The following CSMD1 variants were observed in gnomAD, a reference collection of about 807,000 sequenced individuals.
CSMD1 encodes the protein CUB and Sushi multiple domains 1.
In CSMD1, 213 loss-of-function variants were observed where a neutral mutation model predicts 417.5. The observed-to-expected ratio is 0.51, with a 90% CI of 0.46 to 0.57. The LOEUF (loss-of-function observed/expected upper bound fraction) is 0.57. CSMD1 is among the 20% of genes least tolerant of loss of function. The probability of loss-of-function intolerance (pLI) is 0.00; values close to 1 mark genes in which losing one functional copy is unlikely to be tolerated. For missense variants in CSMD1, 6,923 were observed against 4,529.7 expected (o/e 1.53, Z -15.17); for synonymous variants, 2,862 against 1,736.8 (o/e 1.65, Z -16.11).
At chr8:3,175,122 A>G (rs1585556830) in intron 37 of CSMD1, among the ~76,000 whole-genome samples, 1 of 152,324 alleles carries the variant, frequency 6.6e-6, no homozygotes, top group Admixed American at 6.5e-5. Flanking sequence ...CAGGTAAAAC[A>G]GTAAAATATT....
chr8:3,322,705 T>A (rs1219220679), intron 23 of CSMD1, among the ~76,000 whole-genome samples: 3 of 152,022 alleles, frequency 2.0e-5, no homozygotes, highest in Non-Finnish European at 4.4e-5. Flanking sequence ...GGCAGTGGAG[T>A]CCACAGCCAG....
chr8:3,125,648 G>A (rs1817465660), intron 41 of CSMD1, among the ~76,000 whole-genome samples: 1 of 152,166 alleles, frequency 6.6e-6, no homozygotes, highest in South Asian at 2.1e-4. Flanking sequence ...CTCTCTATTA[G>A]TTCTATAAGA....
At chr8:4,702,045 G>T (rs377555190) in intron 1 of CSMD1, among the ~76,000 whole-genome samples, 2 of 152,184 alleles carry the variant, frequency 1.3e-5, no homozygotes, top group Non-Finnish European at 2.9e-5. Flanking sequence ...ACTTATAAGT[G>T]GGAGCTGAAC....
intron 3 of CSMD1, among the ~76,000 whole-genome samples, chr8:4,370,076 G>A (rs1802311628): frequency 6.6e-6 from 1 of 152,050 alleles, no homozygotes; most frequent in South Asian, 2.1e-4. Context: ...TTTTTCGGTG[G>A]TAGTCATTCT....
intron 2 of CSMD1, among the ~76,000 whole-genome samples, chr8:4,625,905 G>C (rs561827637): frequency 2.6e-5 from 4 of 152,026 alleles, no homozygotes; most frequent in African/African-American, 4.8e-5. Context: ...TGTATTTTTG[G>C]TAGAGACGGG....
At chr8:4,752,037 T>C (rs1035568537) in intron 1 of CSMD1, among the ~76,000 whole-genome samples, 12 of 152,318 alleles carry the variant, frequency 7.9e-5, no homozygotes, top group African/African-American at 2.6e-4. Context: ...AATATGTATA[T>C]GCAAACTGTG....
At chr8:3,747,272 T>C (rs190331056) in intron 6 of CSMD1, among the ~76,000 whole-genome samples, 41 of 152,300 alleles carry the variant, frequency 2.7e-4, no homozygotes, top group Admixed American at 9.2e-4. Flanking sequence ...AATAACCCCA[T>C]GCCATCCAGG....
intron 1 of CSMD1, among the ~76,000 whole-genome samples, chr8:4,767,023 G>C (rs1346557442): frequency 6.6e-6 from 1 of 152,122 alleles, no homozygotes; most frequent in Non-Finnish European, 1.5e-5. Flanking sequence ...ATGTACTATG[G>C]ATACAACTAA....
chr8:3,584,883 A>C (rs1202446087), intron 9 of CSMD1, among the ~76,000 whole-genome samples: 2 of 152,170 alleles, frequency 1.3e-5, no homozygotes, highest in Non-Finnish European at 2.9e-5. Context: ...GGGAACATGA[A>C]TTTTAGTACA....
chr8:3,677,796 T>C (rs565694359), intron 7 of CSMD1, among the ~76,000 whole-genome samples: 1 of 152,182 alleles, frequency 6.6e-6, no homozygotes, highest in Non-Finnish European at 1.5e-5. Flanking sequence ...TGCAATTTTT[T>C]AAAACCAGTA....
intron 68 of CSMD1, among the ~76,000 whole-genome samples, chr8:2,943,084 T>A (rs1399448500): frequency 6.6e-6 from 1 of 152,232 alleles, no homozygotes; most frequent in Non-Finnish European, 1.5e-5. Flanking sequence ...TGGTGTCATC[T>A]GTCTTTATTT....
intron 1 of CSMD1, among the ~76,000 whole-genome samples, chr8:4,921,384 T>C (rs1585332569): frequency 1.3e-5 from 2 of 152,236 alleles, no homozygotes; most frequent in East Asian, 1.9e-4. Flanking sequence ...ATTATCATTA[T>C]TTAATATGAA....
chr8:3,796,492 T>G (rs1563089829), intron 5 of CSMD1, among the ~76,000 whole-genome samples: 3 of 143,622 alleles, frequency 2.1e-5, no homozygotes, highest in Admixed American at 7.2e-5. Context: ...ATCTATCATG[T>G]ATAGATATAG....
At chr8:3,199,619 C>A in intron 33 of CSMD1, 95 bp downstream of exon 33, 1 of 570,848 alleles carries the variant, frequency 1.8e-6, no homozygotes, top group Admixed American at 3.7e-5. Flanking sequence ...AAAAATGCAG[C>A]TGAGATGTTT....
chr8:3,248,923 C>G (rs1480417339), intron 26 of CSMD1, among the ~76,000 whole-genome samples: 3 of 152,072 alleles, frequency 2.0e-5, no homozygotes, highest in Non-Finnish European at 4.4e-5. Context: ...GGCTCCCTGA[C>G]CTTTTCTAGT....
chr8:3,769,348 T>C (rs138051630), intron 5 of CSMD1, among the ~76,000 whole-genome samples: 2 of 152,010 alleles, frequency 1.3e-5, no homozygotes, highest in African/African-American at 4.8e-5. Context: ...AAGAAAGTTG[T>C]ACCAAATTAG....
chr8:3,117,067 A>C (rs539121647), intron 42 of CSMD1, among the ~76,000 whole-genome samples: 1 of 151,898 alleles, frequency 6.6e-6, no homozygotes, highest in Non-Finnish European at 1.5e-5. Context: ...GTTATTTTTT[A>C]TTTTATTTAT....
intron 5 of CSMD1, among the ~76,000 whole-genome samples, chr8:3,805,822 C>T (rs180919753): frequency 6.6e-6 from 1 of 152,160 alleles, no homozygotes; most frequent in Non-Finnish European, 1.5e-5. Context: ...ACCATTCAAG[C>T]CTTTTCAACT....
chr8:4,273,954 G>C (rs908613951), intron 3 of CSMD1, among the ~76,000 whole-genome samples: 1 of 152,118 alleles, frequency 6.6e-6, no homozygotes, highest in Non-Finnish European at 1.5e-5. Context: ...GAAGTGTCCT[G>C]GGAGTATTCA....
Sources: gnomAD v4.1 joint callset for allele counts (sites outside exome capture counted in the v4.1 genomes callset) on GRCh38, gnomAD v4.1.1 for gene constraint, MANE v1.5 for transcripts, NCBI Gene and HGNC (gene_info 2026-07-23, HGNC 2026-07-21) for gene names.